ANXA4: variants seen among roughly 807,000 people sequenced by gnomAD.
ANXA4 encodes annexin A4.
A neutral mutation model predicts 49.8 loss-of-function variants in ANXA4; 39 were observed. That is an observed-to-expected ratio of 0.78 (90% CI 0.61 to 1.02). The LOEUF (loss-of-function observed/expected upper bound fraction) is 1.02. ANXA4 is among the 50% of genes least tolerant of loss of function. The pLI is 0.00. For synonymous variants in ANXA4, 134 were observed against 152.5 expected (o/e 0.88, Z 0.89); for missense variants, 360 against 410.1 (o/e 0.88, Z 1.05).
chr2:69,695,667 G>A (rs1678136975), intron 2 of ANXA4, among the ~76,000 whole-genome samples: 1 of 152,106 alleles, frequency 6.6e-6, no homozygotes, highest in African/African-American at 2.4e-5. Flanking sequence ...ACCTTACCCT[G>A]TAAGATTAAT....
At chr2:69,714,577 G>T (rs1487538376) in intron 2 of ANXA4, among the ~76,000 whole-genome samples, 2 of 152,186 alleles carry the variant, frequency 1.3e-5, no homozygotes, top group African/African-American at 4.8e-5. Flanking sequence ...CTGGGATCCT[G>T]GCCGAGCTCC....
At chr2:69,681,005 T>A (rs972537713) in intron 2 of ANXA4, among the ~76,000 whole-genome samples, 5 of 152,196 alleles carry the variant, frequency 3.3e-5, no homozygotes, top group Admixed American at 3.3e-4. Flanking sequence ...GGTATAAGGA[T>A]AATGCTGGCC....
upstream of ANXA4, among the ~76,000 whole-genome samples, chr2:69,740,155 T>A (rs1433822810): frequency 1.3e-5 from 2 of 152,204 alleles, no homozygotes; most frequent in Non-Finnish European, 2.9e-5. Context: ...TGCCAACGCA[T>A]CTACTTCATT....
intron 1 of ANXA4, among the ~76,000 whole-genome samples, chr2:69,775,538 G>A (rs1671928202): frequency 6.6e-6 from 1 of 152,200 alleles, no homozygotes; most frequent in African/African-American, 2.4e-5. Context: ...CAAAGAGAAA[G>A]TTTGTTTTGG....
intron 2 of ANXA4, among the ~76,000 whole-genome samples, chr2:69,692,055 T>C (rs533301553): frequency 2.6e-5 from 4 of 152,188 alleles, no homozygotes; most frequent in African/African-American, 9.6e-5. Context: ...CTGGCTAATT[T>C]TTGTATTTTT....
intron 1 of ANXA4, among the ~76,000 whole-genome samples, chr2:69,651,957 C>T (rs1230001101): frequency 1.3e-5 from 2 of 152,034 alleles, no homozygotes; most frequent in African/African-American, 2.4e-5. Context: ...GGATTACAGG[C>T]GTAAACCCCC....
At chr2:69,643,919 G>A, upstream of ANXA4, 1 of 1,148,866 alleles carries the variant, frequency 8.7e-7, no homozygotes, top group Non-Finnish European at 1.1e-6. Context: ...ACTGGGGGAA[G>A]AGGGTCTCAG....
chr2:69,796,286 G>A (rs180733052), intron 3 of ANXA4, among the ~76,000 whole-genome samples: 43 of 152,256 alleles, frequency 2.8e-4, no homozygotes, highest in Admixed American at 4.6e-4. Context: ...GAGGATCCTG[G>A]ACTCTGCAAG....
intron 3 of ANXA4, among the ~76,000 whole-genome samples, chr2:69,794,575 A>ATGTTATGTTATGTTC (rs1408557906): frequency 6.7e-6 from 1 of 148,372 alleles, no homozygotes; most frequent in African/African-American, 2.5e-5. Flanking sequence ...ATGTTATGTT[A>ATGTTATGTTATGTTC]TTTTTGAGAC....
intron 1 of ANXA4, among the ~76,000 whole-genome samples, chr2:69,742,598 C>T (rs888149293): frequency 6.6e-6 from 1 of 152,206 alleles, no homozygotes; most frequent in Non-Finnish European, 1.5e-5. Flanking sequence ...AAACTTACTC[C>T]TTTCTCCTAG....
At chr2:69,644,656 A>G (rs1246836972) in exon 1 of ANXA4, 4 of 152,200 alleles carry the variant, frequency 2.6e-5, no homozygotes, top group Admixed American at 2.6e-4. Flanking sequence ...CTTGACCTCA[A>G]AACTCGGGGG....
intron 2 of ANXA4, among the ~76,000 whole-genome samples, chr2:69,683,143 A>G (rs1677656782): frequency 6.6e-6 from 1 of 152,232 alleles, no homozygotes; most frequent in East Asian, 1.9e-4. Flanking sequence ...ATACATTCCT[A>G]CATATGGGTT....
At chr2:69,713,894 A>T (rs555246163) in intron 2 of ANXA4, 2 of 152,394 alleles carry the variant, frequency 1.3e-5, no homozygotes, top group East Asian at 3.9e-4. Flanking sequence ...TGCAGCACAA[A>T]TTCCACTTGA....
chr2:69,677,638 G>A (rs1282461824), intron 2 of ANXA4, among the ~76,000 whole-genome samples: 1 of 152,184 alleles, frequency 6.6e-6, no homozygotes, highest in Non-Finnish European at 1.5e-5. Flanking sequence ...CTCAGAACAC[G>A]ATACCCTAAT....
intron 1 of ANXA4, among the ~76,000 whole-genome samples, chr2:69,742,919 T>C (rs1247090841): frequency 6.6e-6 from 1 of 152,200 alleles, no homozygotes; most frequent in Non-Finnish European, 1.5e-5. Flanking sequence ...GAAGGATAGA[T>C]AAGGTGTCCC....
At chr2:69,698,371 G>A (rs964010903) in intron 2 of ANXA4, among the ~76,000 whole-genome samples, 1 of 152,140 alleles carries the variant, frequency 6.6e-6, no homozygotes, top group Non-Finnish European at 1.5e-5. Context: ...GCCCCCACCC[G>A]CAGAAATTTA....
At chr2:69,725,913 A>C (rs1002254715) in intron 3 of ANXA4, among the ~76,000 whole-genome samples, 1 of 152,248 alleles carries the variant, frequency 6.6e-6, no homozygotes, top group African/African-American at 2.4e-5. Context: ...TTTAGTCATC[A>C]CTTCATGATT....
At position 69,681,455 on chromosome 2, in the gene ANXA4, C is replaced by T. The variant is rs72899473; in HGVS notation, n.766+28173C>T. 3.8e-3 allele frequency among the ~76,000 whole-genome samples: 578 copies of T among 151,128 alleles called. 4 individuals carry two copies. Among genetic ancestry groups the T allele is most frequent in the African/African-American group, 0.013 (540 of 41,074 alleles). ...TCTCAGCTCACTGCAATATCCACCT[C>T]CTAGATTCAAGCAATTCTCCTGCCT... is the stretch of plus-strand genomic sequence containing the variant. On this transcript the variant is annotated intron_variant and non_coding_transcript_variant, in intron 2 of 3. Coordinates refer to the ANXA4 transcript ENST00000418066.
intron 1 of ANXA4, among the ~76,000 whole-genome samples, chr2:69,772,977 A>G (rs1268110146): frequency 6.6e-6 from 1 of 152,060 alleles, no homozygotes; most frequent in Non-Finnish European, 1.5e-5. Context: ...AGATCATGCC[A>G]CTGCACTCCA....
Sources: gnomAD v4.1 joint callset for allele counts (sites outside exome capture counted in the v4.1 genomes callset) on GRCh38, gnomAD v4.1.1 for gene constraint, MANE v1.5 for transcripts, NCBI Gene and HGNC (gene_info 2026-07-23, HGNC 2026-07-21) for gene names.